TACR2: variants seen among roughly 807,000 people sequenced by gnomAD.
TACR2 encodes substance-K receptor.
TACR2 carries 24 observed loss-of-function variants against 28.9 expected under a neutral mutation model. The ratio of observed to expected loss-of-function variants is 0.83; its 90% CI spans 0.60 to 1.17. TACR2 has a LOEUF of 1.17. TACR2 is among the 50% of genes most tolerant of loss of function. The pLI is 0.00. For synonymous variants in TACR2, 222 were observed against 212.6 expected, an observed-to-expected ratio of 1.04 and a Z score of -0.38; for missense variants, 487 against 524.4, an observed-to-expected ratio of 0.93 and a Z score of 0.70.
At chr10:69,414,912 C>T (rs774349786) in intron 2 of TACR2, 33 bp downstream of exon 2, 4 of 1,588,062 alleles carry the variant, frequency 2.5e-6, no homozygotes, top group Admixed American at 1.7e-5. Flanking sequence ...CACACACACA[C>T]TGTTGCCCTC....
intron 2 of TACR2, among the ~76,000 whole-genome samples, chr10:69,409,505 T>C (rs537249551): frequency 6.6e-6 from 1 of 152,166 alleles, no homozygotes; most frequent in Non-Finnish European, 1.5e-5. Context: ...GTATGAATAG[T>C]AGTCACCCCT....
intron 3 of TACR2, among the ~76,000 whole-genome samples, chr10:69,408,716 C>T (rs1473595678): frequency 6.6e-6 from 1 of 152,180 alleles, no homozygotes; most frequent in Middle Eastern, 3.2e-3. Flanking sequence ...CTTCCGCAAG[C>T]TTCTCCCGGG....
At chr10:69,409,927 A>ATATG (rs1554827814) in intron 2 of TACR2, among the ~76,000 whole-genome samples, 3 of 74,858 alleles carry the variant, frequency 4.0e-5, no homozygotes, top group South Asian at 9.9e-4. Context: ...ATATATATAT[A>ATATG]TATATATATA....
Position 69,415,984 on chromosome 10 carries a change from TGGG to T in TACR2, c.337_339del (p.Pro113del), listed in dbSNP as rs756925072. The T allele has an allele frequency of 1.2e-6, 2 of 1,614,124 alleles. No homozygotes were observed. The highest frequency in any genetic ancestry group is 4.5e-5 in the East Asian group (2 of 44,884). On this transcript the variant is annotated inframe_deletion, in exon 1 of 5. Transcript: ENST00000373306. ...TAGATGCTGACAAACATGGCTGTGATGGGGAAGAGGTTCTGGAAGTAGCAGAAG... is the reference window on the plus strand; with the variant it reads ...TAGATGCTGACAAACATGGCTGTGATGAAGAGGTTCTGGAAGTAGCAGAAG...
At chr10:69,409,196 G>T in intron 2 of TACR2, 121 bp from the exon 3 acceptor site, 1 of 1,071,918 alleles carries the variant, frequency 9.3e-7, no homozygotes, top group Non-Finnish European at 1.3e-6. Context: ...CACCCTGGGC[G>T]CCTCCCAGGG....
rs1340073529 is a variant in TACR2, at chr10:69,416,359, C to T, written c.-36G>A. The T allele has an allele frequency of 1.3e-6, 2 of 1,539,644 alleles. No individual in the cohort carries two copies. Among genetic ancestry groups the T allele is most frequent in the Admixed American group, 3.9e-5 (2 of 51,286 alleles). On this transcript the variant is annotated 5_prime_UTR_variant, in exon 1 of 5. Coordinates refer to ENST00000373306, the MANE Select transcript of TACR2 (RefSeq NM_001057.3). ...GGGTCTGGAACAAAGGACCTGGCTC[C>T]TCGGCTCCTCTCGGATTTGCTATGA...
At chr10:69,412,974 G>C (rs2133010397) in intron 2 of TACR2, among the ~76,000 whole-genome samples, 1 of 152,264 alleles carries the variant, frequency 6.6e-6, no homozygotes, top group East Asian at 1.9e-4. Flanking sequence ...GGGATTACAG[G>C]CACCCACCAT....
intron 3 of TACR2, among the ~76,000 whole-genome samples, chr10:69,407,867 C>T (rs1840517816): frequency 6.6e-6 from 1 of 152,242 alleles, no homozygotes; most frequent in African/African-American, 2.4e-5. Flanking sequence ...GGCTCCTGGG[C>T]ACCCTGATCC....
chr10:69,405,189 C>T, intron 4 of TACR2, 105 bp from the exon 5 acceptor site: 3 of 927,020 alleles, frequency 3.2e-6, no homozygotes, highest in East Asian at 5.2e-5. Flanking sequence ...AGGAAAGTCA[C>T]TGTCTCTCTC....
intron 3 of TACR2, among the ~76,000 whole-genome samples, chr10:69,408,659 G>A (rs1314149120): frequency 6.6e-6 from 1 of 152,154 alleles, no homozygotes; most frequent in African/African-American, 2.4e-5. Flanking sequence ...CCGCCCGGCT[G>A]GGAGGAACGC....
intron 1 of TACR2, among the ~76,000 whole-genome samples, 197 bp from the exon 2 acceptor site, chr10:69,415,336 T>C (rs12258336): frequency 0.035 from 5,270 of 152,224 alleles, 299 homozygotes; most frequent in African/African-American, 0.12. Flanking sequence ...AGCACACTGA[T>C]GCCTTGGAAC....
intron 2 of TACR2, 66 bp downstream of exon 2, chr10:69,414,879 G>A (rs1716171382): frequency 6.6e-7 from 1 of 1,524,480 alleles, no homozygotes; most frequent in Non-Finnish European, 8.9e-7. Flanking sequence ...GCACGCGTGT[G>A]TACACACACA....
chr10:69,416,624 C>A lies in TACR2; in HGVS notation c.-301G>T. The A allele has an allele frequency of 3.1e-6, 1 of 317,900 alleles. No individual in the cohort carries two copies. The highest frequency in any genetic ancestry group is 5.8e-6 in the Non-Finnish European group (1 of 173,912). 19.7% of individuals were successfully genotyped at this position (317,900 alleles called of 1,614,324 possible). ...TCACAGTGTCAGAGCAGAAAACACC[C>A]TTATAAATCAACCCCTTCGCTGAAG... On this transcript the variant is annotated 5_prime_UTR_variant, in exon 1 of 5. It adds an upstream start codon to the 5' untranslated region. Transcript: ENST00000373306.
intron 2 of TACR2, among the ~76,000 whole-genome samples, chr10:69,413,872 C>T (rs1840588475): frequency 6.6e-6 from 1 of 152,202 alleles, no homozygotes; most frequent in African/African-American, 2.4e-5. Context: ...AGTTCTGTGC[C>T]AGGCATGGTG....
chr10:69,414,854 T>C, intron 2 of TACR2, 91 bp downstream of exon 2: 1 of 1,401,744 alleles, frequency 7.1e-7, no homozygotes, highest in Non-Finnish European at 9.8e-7. Flanking sequence ...CACACATGCA[T>C]GGACATGGAT....
rs755464752 is a variant in TACR2 at position 69,415,163 on chromosome 10, C to T, written c.393-24G>A. 66 of 1,595,528 alleles carry T rather than the reference C, an allele frequency of 4.1e-5. No homozygotes were observed. The South Asian group carries it at 4.4e-4, about 11-fold the overall frequency. On this transcript the variant is annotated intron_variant, in intron 1 of 4. Transcript: ENST00000373306. ...ACCTGTGAGCAGAGGGCAGCTTGAGCGGCAGGGGCCCTCCTGTTAGCCCAG... is the reference window on the plus strand; with the variant it reads ...ACCTGTGAGCAGAGGGCAGCTTGAGTGGCAGGGGCCCTCCTGTTAGCCCAG...
intron 2 of TACR2, among the ~76,000 whole-genome samples, chr10:69,409,942 T>TATATATATATATATATATAA (rs1554827816): frequency 2.0e-5 from 2 of 100,994 alleles, no homozygotes; most frequent in East Asian, 2.7e-4. Context: ...TATATATATA[T>TATATATATATATATATATAA]AATCTGTATC....
intron 3 of TACR2, 68 bp from the exon 4 acceptor site, chr10:69,407,348 C>T: frequency 6.7e-7 from 1 of 1,488,362 alleles, no homozygotes; most frequent in East Asian, 2.3e-5. Context: ...CGAGGGCAGA[C>T]ACAGAGGACC....
chr10:69,413,636 C>G (rs543383918), intron 2 of TACR2, among the ~76,000 whole-genome samples: 35 of 152,330 alleles, frequency 2.3e-4, no homozygotes, highest in African/African-American at 8.2e-4. Flanking sequence ...TTCCCTATCC[C>G]TGAAGCCCAC....
Sources: gnomAD v4.1 joint callset for allele counts (sites outside exome capture counted in the v4.1 genomes callset) on GRCh38, gnomAD v4.1.1 for gene constraint, MANE v1.5 for transcripts, NCBI Gene and HGNC (gene_info 2026-07-23, HGNC 2026-07-21) for gene names.